RAD51B: variants seen among roughly 807,000 people sequenced by gnomAD.
The protein encoded by RAD51B is RAD51 paralog B.
In RAD51B, 38 loss-of-function variants were observed where a neutral mutation model predicts 42.2. The observed-to-expected ratio is 0.90, with a 90% CI of 0.70 to 1.18. The LOEUF (loss-of-function observed/expected upper bound fraction) is 1.18, where lower values mean the gene tolerates loss of function less well. Among genes scored for constraint, RAD51B ranks in the 50% most tolerant of loss-of-function variants. RAD51B has a pLI of 0.00. For synonymous variants in RAD51B, 154 were observed against 145.2 expected (o/e 1.06, Z -0.43); for missense variants, 373 against 400.7 (o/e 0.93, Z 0.59).
At chr14:68,642,371 G>A (rs1430491292) in intron 10 of RAD51B, among the ~76,000 whole-genome samples, 1 of 152,084 alleles carries the variant, frequency 6.6e-6, no homozygotes, top group African/African-American at 2.4e-5. Context: ...TTTCATCTAG[G>A]TTATCAAAAT....
At chr14:67,964,211 A>T (rs1373937492) in intron 7 of RAD51B, among the ~76,000 whole-genome samples, 2 of 152,170 alleles carry the variant, frequency 1.3e-5, no homozygotes, top group Non-Finnish European at 1.5e-5. Context: ...TTTCTTGTTC[A>T]TGAAAAGAGA....
In RAD51B at chr14:68,495,102, C is replaced by G. The variant is rs73278401; in HGVS notation, c.1036+26852C>G. Among the ~76,000 whole-genome samples the G allele has an allele frequency of 5.9e-3, 906 of 152,324 alleles. 14 individuals are homozygous for G. The highest frequency in any genetic ancestry group is 0.02 in the African/African-American group (843 of 41,574). On this transcript the variant is annotated intron_variant, in intron 10 of 10. Transcript: ENST00000487270. ...CAGAGATTATATAACTCCCTGGGCCCTGGAAGAGCATGACTGTCTACCAGG... is the reference window on the plus strand; with the variant it reads ...CAGAGATTATATAACTCCCTGGGCCGTGGAAGAGCATGACTGTCTACCAGG...
intron 7 of RAD51B, among the ~76,000 whole-genome samples, chr14:68,214,628 T>C (rs1230817564): frequency 6.6e-6 from 1 of 152,240 alleles, no homozygotes; most frequent in African/African-American, 2.4e-5. Context: ...CTAAGTGCTA[T>C]GGTTCATCAT....
chr14:67,989,635 C>CAAAAAAAAAAAAA (rs764608072), intron 7 of RAD51B, among the ~76,000 whole-genome samples: 5 of 66,860 alleles, frequency 7.5e-5, no homozygotes, highest in South Asian at 7.1e-4. Flanking sequence ...AACTCTGTCT[C>CAAAAAAAAAAAAA]AAAAAAAAAA....
chr14:68,558,811 T>C (rs1216360475), intron 10 of RAD51B, among the ~76,000 whole-genome samples: 2 of 152,216 alleles, frequency 1.3e-5, no homozygotes, highest in Non-Finnish European at 2.9e-5. Context: ...TAAGGTCATA[T>C]TCACAGGTAC....
chr14:68,379,806 A>G (rs1413918475), intron 8 of RAD51B, among the ~76,000 whole-genome samples: 1 of 152,180 alleles, frequency 6.6e-6, no homozygotes, highest in African/African-American at 2.4e-5. Context: ...AATCAAGGCA[A>G]CTGTTGCTGG....
At chr14:68,188,252 T>C (rs1313611314) in intron 7 of RAD51B, among the ~76,000 whole-genome samples, 1 of 152,048 alleles carries the variant, frequency 6.6e-6, no homozygotes, top group East Asian at 1.9e-4. Flanking sequence ...TTTCTTTTTT[T>C]TTTTCTTTGT....
intron 7 of RAD51B, among the ~76,000 whole-genome samples, chr14:67,970,584 A>T (rs1441246917): frequency 1.3e-5 from 2 of 151,942 alleles, no homozygotes; most frequent in East Asian, 3.9e-4. Flanking sequence ...ACCTTGGAAT[A>T]GAAAGTCATA....
chr14:68,107,461 C>T (rs1222824189), intron 7 of RAD51B, among the ~76,000 whole-genome samples: 1 of 151,692 alleles, frequency 6.6e-6, no homozygotes, highest in Non-Finnish European at 1.5e-5. Flanking sequence ...CCTATCAAAA[C>T]CTTAACCAAT....
At chr14:68,323,061 G>A (rs1280386147) in intron 8 of RAD51B, among the ~76,000 whole-genome samples, 1 of 152,182 alleles carries the variant, frequency 6.6e-6, no homozygotes, top group Non-Finnish European at 1.5e-5. Flanking sequence ...TCTAGGGGCA[G>A]CCTTCCCAGC....
At chr14:68,046,495 T>C (rs1464000949) in intron 7 of RAD51B, among the ~76,000 whole-genome samples, 1 of 152,226 alleles carries the variant, frequency 6.6e-6, no homozygotes. Context: ...TCCCAGCACT[T>C]TGGGAGGCCG....
intron 7 of RAD51B, among the ~76,000 whole-genome samples, chr14:68,064,561 C>CT (rs1337143001): frequency 6.6e-6 from 1 of 151,772 alleles, no homozygotes; most frequent in Non-Finnish European, 1.5e-5. Flanking sequence ...TCCTTGTTTT[C>CT]TTTTTCTGGG....
At chr14:68,479,068 G>A (rs1050553125), downstream of RAD51B, among the ~76,000 whole-genome samples, 2 of 152,136 alleles carry the variant, frequency 1.3e-5, no homozygotes, top group Non-Finnish European at 2.9e-5. Context: ...GCTGTGCATC[G>A]GAAGGCAAGA....
intron 9 of RAD51B, among the ~76,000 whole-genome samples, chr14:68,435,278 A>G (rs1159590352): frequency 6.6e-6 from 1 of 152,046 alleles, no homozygotes; most frequent in Admixed American, 6.6e-5. Flanking sequence ...AACATGCGGT[A>G]TTTGGTTTTC....
At chr14:68,619,021 C>G (rs939302267) in intron 10 of RAD51B, among the ~76,000 whole-genome samples, 2 of 152,250 alleles carry the variant, frequency 1.3e-5, no homozygotes, top group South Asian at 2.1e-4. Flanking sequence ...ATTTGGGGAT[C>G]ATGCTCAAGG....
intron 10 of RAD51B, among the ~76,000 whole-genome samples, chr14:68,633,311 T>G (rs1216395644): frequency 6.6e-6 from 1 of 152,152 alleles, no homozygotes; most frequent in Admixed American, 6.5e-5. Flanking sequence ...TCGGGACATG[T>G]CTGTCAGGGG....
At chr14:68,283,151 A>G (rs1265507655) in intron 7 of RAD51B, among the ~76,000 whole-genome samples, 1 of 152,188 alleles carries the variant, frequency 6.6e-6, no homozygotes, top group Non-Finnish European at 1.5e-5. Context: ...TCCTCCTTGT[A>G]AATCAAAGGG....
chr14:68,573,590 A>G (rs576795357), intron 10 of RAD51B, among the ~76,000 whole-genome samples: 13 of 152,310 alleles, frequency 8.5e-5, no homozygotes, highest in African/African-American at 3.1e-4. Context: ...CATGAGAGCT[A>G]CCTGTGTTGT....
chr14:68,100,353 T>A (rs1053505139), intron 7 of RAD51B, among the ~76,000 whole-genome samples: 1 of 152,186 alleles, frequency 6.6e-6, no homozygotes, highest in Admixed American at 6.5e-5. Context: ...TTTTATTTAT[T>A]TAAATTTTTT....
Sources: gnomAD v4.1 joint callset for allele counts (sites outside exome capture counted in the v4.1 genomes callset) on GRCh38, gnomAD v4.1.1 for gene constraint, MANE v1.5 for transcripts, NCBI Gene and HGNC (gene_info 2026-07-23, HGNC 2026-07-21) for gene names.